Variants in KIN observed in about 807,000 individuals in gnomAD.
KIN encodes DNA/RNA-binding protein KIN17.
A neutral mutation model predicts 63.0 loss-of-function variants in KIN; 47 were observed. That is an observed-to-expected ratio of 0.75 (90% CI 0.59 to 0.95). The LOEUF (loss-of-function observed/expected upper bound fraction) is 0.95, where lower values mean the gene tolerates loss of function less well. Among genes scored for constraint, KIN ranks in the 40% least tolerant of loss-of-function variants. The probability of loss-of-function intolerance (pLI) is 0.00; values close to 1 mark genes in which losing one functional copy is unlikely to be tolerated. For synonymous variants in KIN, 160 were observed against 157.7 expected (o/e 1.01, Z -0.11); for missense variants, 408 against 460.9 (o/e 0.89, Z 1.05).
At chr10:7,787,739 C>T (rs1836056450) in intron 1 of KIN, 81 bp downstream of exon 1, 4 of 1,107,294 alleles carry the variant, frequency 3.6e-6, no homozygotes. Flanking sequence ...CAGCCCCGCG[C>T]CCTCAGCCCC....
In KIN at chr10:7,787,851, C is replaced by T; in HGVS notation, c.83G>A (p.Cys28Tyr). The stretch of plus-strand genomic sequence containing the variant: ...CCGGCACTGCTTCTGGCACATCTGG[C>T]AATACCAGCGTAGCTTCTGCAGCCC... ...SKGLQKLRWY[C>Y]QMCQKQCRDE... The change falls in exon 1 of 13, where the codon TGC becomes TAC. Residue 28 changes from cysteine to tyrosine, a missense_variant. Transcript: ENST00000379562. 1.2e-6 allele frequency: 2 copies of T among 1,614,130 alleles called. No individual in the cohort carries two copies.
At chr10:7,786,169 C>G (rs571522433) in intron 1 of KIN, among the ~76,000 whole-genome samples, 56 of 152,224 alleles carry the variant, frequency 3.7e-4, no homozygotes, top group African/African-American at 1.3e-3. Context: ...AATAACCAAA[C>G]CTATAACAGT....
intron 1 of KIN, among the ~76,000 whole-genome samples, chr10:7,786,194 C>A (rs1379292308): frequency 6.6e-6 from 1 of 151,968 alleles, no homozygotes; most frequent in Non-Finnish European, 1.5e-5. Context: ...TGCTTTTGAT[C>A]GAATCTTGAT....
intron 1 of KIN, among the ~76,000 whole-genome samples, chr10:7,785,324 A>G (rs1168227435): frequency 6.6e-6 from 1 of 152,158 alleles, no homozygotes; most frequent in Non-Finnish European, 1.5e-5. Flanking sequence ...GATCACCTAC[A>G]AAGTATTCTT....
At chr10:7,767,718 G>C (rs1409271210) in intron 8 of KIN, among the ~76,000 whole-genome samples, 1 of 151,974 alleles carries the variant, frequency 6.6e-6, no homozygotes, top group Non-Finnish European at 1.5e-5. Flanking sequence ...AATTAGCCAG[G>C]CATGGTGGCG....
At chr10:7,770,331 G>A (rs1033489324) in intron 7 of KIN, among the ~76,000 whole-genome samples, 1 of 152,210 alleles carries the variant, frequency 6.6e-6, no homozygotes, top group Admixed American at 6.5e-5. Context: ...ATGTACACCA[G>A]TCACTAAGAA....
intron 1 of KIN, 47 bp downstream of exon 1, chr10:7,787,773 T>A: frequency 7.0e-7 from 1 of 1,433,706 alleles, no homozygotes; most frequent in Non-Finnish European, 9.8e-7. Flanking sequence ...GATCCTGGAT[T>A]GCCAGGGGCC....
At chr10:7,785,466 C>G (rs942979076) in intron 1 of KIN, among the ~76,000 whole-genome samples, 6 of 152,002 alleles carry the variant, frequency 3.9e-5, no homozygotes, top group African/African-American at 1.4e-4. Context: ...TACAGGACAA[C>G]AGCCTGGCCT....
intron 5 of KIN, among the ~76,000 whole-genome samples, chr10:7,777,814 G>A (rs1035288159): frequency 9.3e-5 from 14 of 151,266 alleles, no homozygotes; most frequent in African/African-American, 3.4e-4. Context: ...CACGAGAATC[G>A]CTTGAACCCA....
intron 12 of KIN, among the ~76,000 whole-genome samples, chr10:7,757,083 T>C (rs1391427965): frequency 1.3e-5 from 2 of 152,246 alleles, no homozygotes; most frequent in African/African-American, 4.8e-5. Flanking sequence ...GTAATGTCTG[T>C]ATGATTGGGT....
chr10:7,763,840 T>C (rs1002065719), intron 9 of KIN, 49 bp from the exon 10 acceptor site: 1 of 930,334 alleles, frequency 1.1e-6, no homozygotes, highest in African/African-American at 1.7e-5. Context: ...AAGTTATCGT[T>C]TGTCATTTAC....
chr10:7,776,417 C>A (rs1423238698), intron 5 of KIN, among the ~76,000 whole-genome samples: 2 of 150,080 alleles, frequency 1.3e-5, no homozygotes, highest in African/African-American at 4.9e-5. Context: ...TGGCGGGCGC[C>A]TGTAATGCCA....
intron 12 of KIN, among the ~76,000 whole-genome samples, chr10:7,756,377 A>C (rs1192998002): frequency 1.3e-5 from 2 of 152,216 alleles, no homozygotes; most frequent in Non-Finnish European, 2.9e-5. Flanking sequence ...ACATTGTGGC[A>C]GAGACCTGCA....
At chr10:7,768,640 C>G (rs114522830) in intron 8 of KIN, among the ~76,000 whole-genome samples, 47 of 152,278 alleles carry the variant, frequency 3.1e-4, no homozygotes, top group African/African-American at 1.1e-3. Flanking sequence ...GGAGGCCAAC[C>G]ATGAAGGACT....
In KIN at chr10:7,783,160, G is replaced by A; in HGVS notation, c.130C>T (p.His44Tyr). ...CTCTGATGAGATTCGGACATACAAT[G>A]ACACTTAAAGCCATTCTACAAAAAA... Reference protein sequence around the residue: ...QCRDENGFKCHCMSESHQRQL... With the variant: ...QCRDENGFKCYCMSESHQRQL... Residue 44 changes from histidine (H) to tyrosine (Y), a missense_variant, in exon 2 of 13, where the codon CAT (histidine) becomes TAT (tyrosine). Transcript: ENST00000379562. The A allele has an allele frequency of 6.3e-7, 1 of 1,591,168 alleles. No homozygotes were observed. The highest frequency in any genetic ancestry group is 8.6e-7 in the Non-Finnish European group (1 of 1,167,864).
intron 12 of KIN, among the ~76,000 whole-genome samples, chr10:7,757,917 C>A (rs1489846065): frequency 6.6e-6 from 1 of 151,274 alleles, no homozygotes; most frequent in African/African-American, 2.4e-5. Flanking sequence ...GTATAAATTT[C>A]AAATATTATC....
At chr10:7,767,999 T>C (rs765352850) in intron 8 of KIN, among the ~76,000 whole-genome samples, 3 of 152,202 alleles carry the variant, frequency 2.0e-5, no homozygotes, top group Non-Finnish European at 4.4e-5. Flanking sequence ...CTCTTTCTCC[T>C]CTATCCTGCC....
chr10:7,778,947 C>A lies in KIN; in HGVS notation c.449G>T (p.Arg150Leu), dbSNP rs751941059. 76 of 1,613,836 alleles carry A rather than the reference C, an allele frequency of 4.7e-5. No homozygotes were observed. Among genetic ancestry groups the A allele is most frequent in the Non-Finnish European group, 6.3e-5 (74 of 1,180,012 alleles). Residue 150 changes from arginine (R) to leucine (L), a missense_variant, in exon 5 of 13, where the codon CGC (arginine) becomes CTC (leucine). Around this residue, in one of 2 missense-constraint regions of KIN, gnomAD observed 298 missense variants for 296.0 expected, o/e 1.01. Coordinates refer to ENST00000379562, the MANE Select transcript of KIN (RefSeq NM_012311.4). Reference protein sequence around the residue: ...QYIDRDPETIRRQLELEKKKK... With the variant: ...QYIDRDPETILRQLELEKKKK... ...CTTTTTCTCCAGTTCCAGTTGCCGGCGGATAGTTTCTGGGTCCCTGTCTAT... is the reference window on the plus strand; with the variant it reads ...CTTTTTCTCCAGTTCCAGTTGCCGGAGGATAGTTTCTGGGTCCCTGTCTAT...
rs56204215 is a variant in KIN, at chr10:7,754,633, GA to G, written c.*1446del. ...GGTGACAGAGTGAGACTCTGTGTCA[GA>G]AAAAAAAAAAAAAAGAAAAAGAAAA... On this transcript the variant is annotated 3_prime_UTR_variant, in exon 13 of 13. Coordinates refer to ENST00000379562, the MANE Select transcript of KIN (RefSeq NM_012311.4). 0.21 allele frequency: 26,275 copies of G among 123,474 alleles called. 2,502 individuals carry two copies. The highest frequency in any genetic ancestry group is 0.28 in the Admixed American group (3,475 of 12,234). 7.6% of individuals were successfully genotyped at this position (123,474 alleles called of 1,614,324 possible). A position where few individuals can be genotyped will look rare whatever the true frequency, so the allele number is the denominator to read the frequency against.
Sources: allele counts gnomAD v4.1 joint callset (sites outside exome capture counted in the v4.1 genomes callset), GRCh38; gene constraint gnomAD v4.1.1; regional missense constraint gnomAD v4.1.1; transcripts MANE v1.5; gene names NCBI Gene and HGNC (gene_info 2026-07-23, HGNC 2026-07-21).